PKHD1: variants seen among roughly 807,000 people sequenced by gnomAD.
PKHD1 encodes PKHD1 ciliary IPT domain containing fibrocystin/polyductin, also known as fibrocystin.
In PKHD1, 291 loss-of-function variants were observed where a neutral mutation model predicts 412.0. The observed-to-expected ratio is 0.71, with a 90% CI of 0.64 to 0.78. PKHD1 has a LOEUF of 0.78. Ranked by LOEUF, PKHD1 falls within the 30% of genes least tolerant of loss-of-function variation. The pLI is 0.00. For missense variants in PKHD1, 4,825 were observed against 4,950.7 expected, an observed-to-expected ratio of 0.97 and a Z score of 0.76; for synonymous variants, 1,777 against 1,821.5, an observed-to-expected ratio of 0.98 and a Z score of 0.62.
chr6:51,668,510 C>G (rs1283599863), intron 60 of PKHD1, among the ~76,000 whole-genome samples: 4 of 152,120 alleles, frequency 2.6e-5, no homozygotes, highest in Admixed American at 6.5e-5. Context: ...ATTTGACTTC[C>G]TCTTTTCCTA....
chr6:51,626,534 TA>T (rs1235767244), intron 66 of PKHD1, among the ~76,000 whole-genome samples: 1 of 152,196 alleles, frequency 6.6e-6, no homozygotes, highest in Non-Finnish European at 1.5e-5. Flanking sequence ...TACATTTTGC[TA>T]AAAGTACAAC....
chr6:52,079,383 G>T (rs1424026329), intron 5 of PKHD1, among the ~76,000 whole-genome samples: 2 of 152,148 alleles, frequency 1.3e-5, no homozygotes, highest in African/African-American at 4.8e-5. Context: ...CAGGAAGCAG[G>T]GAGAGAGGTA....
intron 35 of PKHD1, among the ~76,000 whole-genome samples, chr6:52,000,586 C>G (rs1798250091): frequency 6.6e-6 from 1 of 152,140 alleles, no homozygotes; most frequent in Non-Finnish European, 1.5e-5. Flanking sequence ...TTTTGTCTGT[C>G]ATTCATAGGG....
intron 60 of PKHD1, among the ~76,000 whole-genome samples, chr6:51,723,288 A>C (rs1050721436): frequency 8.5e-5 from 13 of 152,196 alleles, no homozygotes; most frequent in Admixed American, 3.9e-4. Context: ...TCCCATTTTC[A>C]ACAGATTCCA....
At position 51,659,851 on chromosome 6, in the gene PKHD1, C is replaced by T. The variant is rs1207558563; in HGVS notation, c.10275G>A (p.Gln3425=). The T allele has an allele frequency of 1.2e-6, 2 of 1,613,696 alleles. No homozygotes were observed. Among genetic ancestry groups the T allele is most frequent in the African/African-American group, 2.7e-5 (2 of 74,910 alleles). Residue 3425 remains glutamine (Q), a synonymous_variant, in exon 61 of 67, where the codon CAG becomes CAA. Coordinates refer to ENST00000371117, the MANE Select transcript of PKHD1 (RefSeq NM_138694.4). ...LDSADAIWAI[Q]KLYPVVSVTS... Reference sequence around the variant, plus strand: ...TCACAGATACAACTGGATATAACTTCTGAATTGCCCAAATGGCATCAGCGC... The same window carrying T: ...TCACAGATACAACTGGATATAACTTTTGAATTGCCCAAATGGCATCAGCGC...
intron 52 of PKHD1, among the ~76,000 whole-genome samples, chr6:51,825,891 T>C (rs780410344): frequency 6.6e-6 from 1 of 152,114 alleles, no homozygotes; most frequent in Admixed American, 6.6e-5. Flanking sequence ...ACTGCTTTTA[T>C]GTCCCATCCA....
chr6:51,931,004 C>T lies in PKHD1; in HGVS notation c.6121+3106G>A, dbSNP rs534815848. ...TAATATGTGTTTTGTGTGCCCAACA[C>T]TCTGGAACACTTCATGAGCAATAAG... On this transcript the variant is annotated intron_variant, in intron 37 of 66. Coordinates refer to ENST00000371117, the MANE Select transcript of PKHD1 (RefSeq NM_138694.4). Among the ~76,000 whole-genome samples the T allele has an allele frequency of 2.0e-5, 3 of 152,284 alleles. No homozygotes were observed. The East Asian group carries it at 5.8e-4, about 29-fold the overall frequency.
intron 55 of PKHD1, among the ~76,000 whole-genome samples, chr6:51,764,039 C>T (rs528427221): frequency 6.0e-5 from 9 of 149,218 alleles, no homozygotes; most frequent in Admixed American, 2.7e-4. Flanking sequence ...CATGCTGGTG[C>T]GCTGCACCCA....
In PKHD1 at chr6:52,081,804, GT is replaced by G. The variant is rs534094802; in HGVS notation, c.281+587del. ...ACAGAAAAGAAAAGGAAATAACAGT[GT>G]TTTTTTTCTCTTAACCAATCATCTA... On this transcript the variant is annotated intron_variant, in intron 4 of 66. Coordinates refer to ENST00000371117, the MANE Select transcript of PKHD1 (RefSeq NM_138694.4). 1.5e-3 allele frequency among the ~76,000 whole-genome samples: 226 copies of G among 151,824 alleles called. 2 individuals are homozygous for G. The highest frequency in any genetic ancestry group is 2.9e-3 in the South Asian group (14 of 4,784).
chr6:51,818,694 G>A (rs1765874454), intron 52 of PKHD1, among the ~76,000 whole-genome samples: 1 of 152,138 alleles, frequency 6.6e-6, no homozygotes, highest in Non-Finnish European at 1.5e-5. Flanking sequence ...TTCCTTTCCA[G>A]GTAGAAGTGG....
At chr6:51,672,811 G>A (rs1775214183) in intron 60 of PKHD1, among the ~76,000 whole-genome samples, 1 of 152,226 alleles carries the variant, frequency 6.6e-6, no homozygotes, top group African/African-American at 2.4e-5. Flanking sequence ...ATGCCACAAG[G>A]AAGGGGCTCT....
At chr6:51,928,823 G>A (rs1166534133) in intron 37 of PKHD1, among the ~76,000 whole-genome samples, 1 of 152,086 alleles carries the variant, frequency 6.6e-6, no homozygotes, top group Non-Finnish European at 1.5e-5. Context: ...GAGTCCTGTG[G>A]ACATTCGGAC....
Position 51,883,096 on chromosome 6 carries a change from G to C in PKHD1, c.7347C>G (p.His2449Gln), listed in dbSNP as rs763204003. Reference sequence around the variant, plus strand: ...ACAACCACACTAAGGCACTTACCTTGTGGGCAAAATGACCAAGTAATAAGC... The same window carrying C: ...ACAACCACACTAAGGCACTTACCTTCTGGGCAAAATGACCAAGTAATAAGC... ...TDSLLLGHFA[H>Q]KGSLCMSSGI... Residue 2449 changes from histidine (H) to glutamine (Q), a missense_variant, in exon 46 of 67, where the codon CAC (histidine) becomes CAG (glutamine). Transcript: ENST00000371117. 1 of 1,612,800 alleles carries C rather than the reference G, an allele frequency of 6.2e-7. No individual in the cohort carries two copies. The highest frequency in any genetic ancestry group is 1.3e-5 in the African/African-American group (1 of 74,902).
At chr6:51,898,298 A>G (rs1753474895) in intron 43 of PKHD1, among the ~76,000 whole-genome samples, 1 of 147,510 alleles carries the variant, frequency 6.8e-6, no homozygotes, top group Non-Finnish European at 1.5e-5. Flanking sequence ...AAAGAACAGA[A>G]ATTATAACAA....
Position 52,017,600 on chromosome 6 carries a change from G to A in PKHD1, c.5410C>T (p.Arg1804Cys), listed in dbSNP as rs201906247. The A allele has an allele frequency of 1.9e-4, 311 of 1,613,686 alleles. No individual in the cohort carries two copies. Among genetic ancestry groups the A allele is most frequent in the South Asian group, 7.4e-4 (67 of 91,052 alleles). Residue 1804 changes from arginine (R) to cysteine (C), a missense_variant, in exon 34 of 67, where the codon CGT (arginine) becomes TGT (cysteine). Physicochemically the swap from Arg to Cys is radical, Grantham distance 180 (BLOSUM62 -3). Coordinates refer to ENST00000371117, the MANE Select transcript of PKHD1 (RefSeq NM_138694.4). ...VSLAFLCGLK[R>C]EEDSCEAARH... ...GCAGCCTCACAGCTGTCCTCCTCAC[G>A]CTTCAGGCCACACAGGAAGGCCAAG...
intron 35 of PKHD1, 38 bp downstream of exon 35, chr6:52,010,271 G>A (rs1262625848): frequency 1.9e-6 from 3 of 1,578,556 alleles, no homozygotes; most frequent in Non-Finnish European, 1.7e-6. Context: ...TTTAATTTGA[G>A]CTGTTTGAAT....
chr6:51,708,810 C>T (rs1170023102), intron 60 of PKHD1, among the ~76,000 whole-genome samples: 6 of 152,250 alleles, frequency 3.9e-5, no homozygotes, highest in Non-Finnish European at 7.4e-5. Context: ...ACCCATAGGG[C>T]CAATTTGCCC....
chr6:51,692,623 A>AT (rs1159064603), intron 60 of PKHD1, among the ~76,000 whole-genome samples: 3 of 152,166 alleles, frequency 2.0e-5, no homozygotes, highest in East Asian at 1.9e-4. Context: ...AGTCTCGTCC[A>AT]TTTTTTTCCC....
chr6:51,993,354 G>A (rs193017279), intron 35 of PKHD1, among the ~76,000 whole-genome samples: 8 of 152,270 alleles, frequency 5.3e-5, no homozygotes, highest in Middle Eastern at 3.4e-3. Flanking sequence ...TGTTCCTGAC[G>A]TCTCATTATG....
Sources: allele counts gnomAD v4.1 joint callset (sites outside exome capture counted in the v4.1 genomes callset), GRCh38; gene constraint gnomAD v4.1.1; transcripts MANE v1.5; gene names NCBI Gene and HGNC (gene_info 2026-07-23, HGNC 2026-07-21).